Variants in GPC5 observed in about 807,000 individuals in gnomAD.
GPC5 encodes glypican 5, also known as glypican-5.
Under a neutral mutation model 53.9 loss-of-function variants are expected in GPC5, and 47 were observed. That is an observed-to-expected ratio of 0.87 (90% CI 0.69 to 1.11). GPC5 has a LOEUF of 1.11. Ranked by LOEUF, GPC5 falls within the 50% of genes most tolerant of loss-of-function variation. The probability of loss-of-function intolerance (pLI) is 0.00; values close to 1 mark genes in which losing one functional copy is unlikely to be tolerated. For missense variants in GPC5, 748 were observed against 713.1 expected, an observed-to-expected ratio of 1.05 and a Z score of -0.56; for synonymous variants, 286 against 263.3, an observed-to-expected ratio of 1.09 and a Z score of -0.84.
At chr13:91,458,281 C>A (rs1881695080) in intron 2 of GPC5, among the ~76,000 whole-genome samples, 1 of 152,004 alleles carries the variant, frequency 6.6e-6, no homozygotes, top group South Asian at 2.1e-4. Flanking sequence ...ATCACCGAGG[C>A]CAGGTCGTCT....
intron 7 of GPC5, among the ~76,000 whole-genome samples, chr13:92,386,584 T>A (rs1874736585): frequency 6.6e-6 from 1 of 152,056 alleles, no homozygotes; most frequent in Non-Finnish European, 1.5e-5. Flanking sequence ...TCATAAAAGG[T>A]CTTCAATGTG....
At position 92,426,761 on chromosome 13, in the gene GPC5, A is replaced by G. The variant is rs539666099; in HGVS notation, c.1561+281772A>G. 9.9e-4 allele frequency among the ~76,000 whole-genome samples: 151 copies of G among 151,986 alleles called. 4 individuals carry two copies. The South Asian group carries it at 0.03, about 31-fold the overall frequency. On this transcript the variant is annotated intron_variant, in intron 7 of 7. Coordinates refer to ENST00000377067, the MANE Select transcript of GPC5 (RefSeq NM_004466.6). Reference sequence around the variant, plus strand: ...AATGAAAATTAAAAATTAAGAAACTATGGATGGAGGACAGAGGGCAAAAAG... The same window carrying G: ...AATGAAAATTAAAAATTAAGAAACTGTGGATGGAGGACAGAGGGCAAAAAG...
chr13:91,609,217 G>T (rs188264952), intron 2 of GPC5, among the ~76,000 whole-genome samples: 1 of 151,080 alleles, frequency 6.6e-6, no homozygotes, highest in Non-Finnish European at 1.5e-5. Context: ...AATAAGATTC[G>T]AATGCTGTAT....
chr13:91,910,897 A>G (rs1594657938), intron 6 of GPC5, among the ~76,000 whole-genome samples: 1 of 152,284 alleles, frequency 6.6e-6, no homozygotes, highest in East Asian at 1.9e-4. Flanking sequence ...CCAGTATTGT[A>G]GCTGACACAT....
At chr13:91,887,448 T>G (rs2352191) in intron 5 of GPC5, among the ~76,000 whole-genome samples, 43,730 of 152,114 alleles carry the variant, frequency 0.29, 8,172 homozygotes, top group African/African-American at 0.53. Flanking sequence ...TCCTGGTGAT[T>G]AACATTTGGA....
At chr13:91,515,137 G>T (rs1350678853) in intron 2 of GPC5, among the ~76,000 whole-genome samples, 2 of 152,162 alleles carry the variant, frequency 1.3e-5, no homozygotes, top group Non-Finnish European at 1.5e-5. Context: ...TTAGTAGACA[G>T]AATTACTTAA....
chr13:91,499,074 G>A (rs1884475827), intron 2 of GPC5, among the ~76,000 whole-genome samples: 1 of 152,172 alleles, frequency 6.6e-6, no homozygotes, highest in Non-Finnish European at 1.5e-5. Context: ...ATGAGACTAG[G>A]ATGAGTTGGA....
chr13:91,870,110 G>T (rs181674765), intron 5 of GPC5, among the ~76,000 whole-genome samples: 4 of 152,254 alleles, frequency 2.6e-5, no homozygotes, highest in African/African-American at 9.6e-5. Flanking sequence ...TATCCATTAA[G>T]AGTTATTTGG....
intron 2 of GPC5, among the ~76,000 whole-genome samples, chr13:91,507,896 A>G (rs1407948864): frequency 3.3e-5 from 5 of 152,228 alleles, no homozygotes; most frequent in African/African-American, 1.2e-4. Context: ...AGTGGGTTGA[A>G]TACTGAAAAC....
chr13:92,151,661 A>G (rs1469155044), intron 7 of GPC5, among the ~76,000 whole-genome samples: 1 of 152,272 alleles, frequency 6.6e-6, no homozygotes, highest in East Asian at 1.9e-4. Flanking sequence ...CTCTCAGGTT[A>G]TACTTTCTTT....
At chr13:91,413,432 G>C (rs888420589) in intron 1 of GPC5, among the ~76,000 whole-genome samples, 1 of 152,112 alleles carries the variant, frequency 6.6e-6, no homozygotes, top group Non-Finnish European at 1.5e-5. Context: ...ATTAGTCGTA[G>C]ATAGCATTGG....
rs575311927 is a variant in GPC5, at chr13:92,802,821, T to C, written c.1562-63461T>C. Reference sequence around the variant, plus strand: ...TCTATTTAAAATACCTGTAAACCACTTTCAAAATTAATAGCTTTTAACATA... The same window carrying C: ...TCTATTTAAAATACCTGTAAACCACCTTCAAAATTAATAGCTTTTAACATA... On this transcript the variant is annotated intron_variant, in intron 7 of 7. Transcript: ENST00000377067. Among the ~76,000 whole-genome samples, 3 of 152,096 alleles carry C rather than the reference T, an allele frequency of 2.0e-5. No individual in the cohort carries two copies. In the East Asian group the frequency reaches 5.8e-4, roughly 30 times the overall value.
intron 5 of GPC5, among the ~76,000 whole-genome samples, chr13:91,870,841 G>A (rs376806572): frequency 4.3e-4 from 65 of 152,256 alleles, no homozygotes; most frequent in African/African-American, 1.2e-3. Context: ...AAGTTGATCC[G>A]TGTTGCATTT....
At chr13:92,140,691 G>A (rs1386388803) in intron 6 of GPC5, among the ~76,000 whole-genome samples, 1 of 152,172 alleles carries the variant, frequency 6.6e-6, no homozygotes, top group African/African-American at 2.4e-5. Context: ...AAATGACACG[G>A]TGAAAGTACT....
At chr13:92,127,504 C>G (rs2138956628) in intron 6 of GPC5, among the ~76,000 whole-genome samples, 1 of 152,134 alleles carries the variant, frequency 6.6e-6, no homozygotes. Context: ...TTCCCCTAAA[C>G]AGGGTTCAAG....
intron 7 of GPC5, among the ~76,000 whole-genome samples, chr13:92,230,382 C>A (rs536532708): frequency 1.3e-5 from 2 of 152,166 alleles, no homozygotes; most frequent in South Asian, 4.1e-4. Context: ...CTGGTTACTA[C>A]CAATTTGTTT....
At chr13:92,668,780 T>C (rs1886655705) in intron 7 of GPC5, among the ~76,000 whole-genome samples, 1 of 152,110 alleles carries the variant, frequency 6.6e-6, no homozygotes, top group South Asian at 2.1e-4. Context: ...ATAATAATGA[T>C]TACATAAACT....
chr13:92,785,047 C>T (rs781402691), intron 7 of GPC5, among the ~76,000 whole-genome samples: 4 of 152,072 alleles, frequency 2.6e-5, no homozygotes, highest in African/African-American at 7.2e-5. Context: ...GAGGCCGAGG[C>T]GTGTGGATCA....
intron 6 of GPC5, among the ~76,000 whole-genome samples, chr13:91,940,363 A>G (rs1321081732): frequency 6.6e-6 from 1 of 152,154 alleles, no homozygotes; most frequent in Non-Finnish European, 1.5e-5. Flanking sequence ...TACGTTATAT[A>G]CATACTACAT....
Sources: gnomAD v4.1 joint callset for allele counts (sites outside exome capture counted in the v4.1 genomes callset) on GRCh38, gnomAD v4.1.1 for gene constraint, MANE v1.5 for transcripts, NCBI Gene and HGNC (gene_info 2026-07-23, HGNC 2026-07-21) for gene names.